The following ANKRD36C variants were observed in gnomAD, a reference collection of about 807,000 sequenced individuals.
ANKRD36C encodes ankyrin repeat domain 36C, also known as ankyrin repeat domain-containing protein 36C.
ANKRD36C carries 61 observed loss-of-function variants against 276.4 expected under a neutral mutation model. The observed-to-expected ratio is 0.22, with a 90% CI of 0.18 to 0.27. The LOEUF (loss-of-function observed/expected upper bound fraction) is 0.27. ANKRD36C is among the 10% of genes least tolerant of loss of function. The probability of loss-of-function intolerance (pLI) is 1.00; values close to 1 mark genes in which losing one functional copy is unlikely to be tolerated. For missense variants in ANKRD36C, 1,447 were observed against 2,032.3 expected, an observed-to-expected ratio of 0.71 and a Z score of 5.54; for synonymous variants, 483 against 680.1, an observed-to-expected ratio of 0.71 and a Z score of 4.51.
At chr2:95,873,872 T>C (rs1331703645) in intron 59 of ANKRD36C, among the ~76,000 whole-genome samples, 2 of 152,348 alleles carry the variant, frequency 1.3e-5, no homozygotes, top group East Asian at 3.9e-4. Flanking sequence ...TAAGCATTCT[T>C]ATACACCAAT....
intron 48 of ANKRD36C, among the ~76,000 whole-genome samples, chr2:95,889,297 CATAA>C (rs1465313980): frequency 6.6e-6 from 1 of 151,532 alleles, no homozygotes; most frequent in Non-Finnish European, 1.5e-5. Context: ...TCCCAAATTA[CATAA>C]ATAACTTCTT....
chr2:95,974,706 G>T (rs1428191919), intron 6 of ANKRD36C, among the ~76,000 whole-genome samples: 1 of 151,770 alleles, frequency 6.6e-6, no homozygotes, highest in South Asian at 2.1e-4. Flanking sequence ...ACAACGTGAA[G>T]GTTTGTTACA....
At chr2:95,919,677 G>A in intron 34 of ANKRD36C, 56 bp downstream of exon 36, 1 of 595,300 alleles carries the variant, frequency 1.7e-6, no homozygotes, top group Non-Finnish European at 2.1e-6. Flanking sequence ...ATTCGGGATA[G>A]AGAAGTTCTT....
chr2:95,942,645 T>C (rs1430907132), intron 19 of ANKRD36C, among the ~76,000 whole-genome samples: 3 of 152,310 alleles, frequency 2.0e-5, no homozygotes, highest in South Asian at 2.1e-4. Flanking sequence ...ATAAAGATAA[T>C]AGTTAAAAAT....
intron 1 of ANKRD36C, 124 bp downstream of exon 1, chr2:95,991,388 C>T (rs1679135436): frequency 7.7e-6 from 8 of 1,038,106 alleles, no homozygotes; most frequent in Admixed American, 7.1e-5. Context: ...CAGCCAGGCA[C>T]CCCCTAGCCC....
intron 42 of ANKRD36C, among the ~76,000 whole-genome samples, chr2:95,903,360 G>C (rs573608158): frequency 6.6e-6 from 1 of 150,452 alleles, no homozygotes; most frequent in Non-Finnish European, 1.5e-5. Flanking sequence ...TGGATATGCC[G>C]AGTGATGAGG....
In ANKRD36C at chr2:95,927,424, G is replaced by A. The variant is rs567435758; in HGVS notation, c.1838-15C>T. The A allele has an allele frequency of 2.9e-5, 46 of 1,605,538 alleles. No individual in the cohort carries two copies. The highest frequency in any genetic ancestry group is 8.4e-5 in the Admixed American group (5 of 59,702). On this transcript the variant is annotated splice_polypyrimidine_tract_variant and intron_variant, in intron 26 of 66. Coordinates refer to ENST00000456556, the Ensembl canonical transcript of ANKRD36C. Reference sequence around the variant, plus strand: ...CTGAGAAGACACTGAAAAGCAAAAGGGATACATAATCACTCACATGTACAT... The same window carrying A: ...CTGAGAAGACACTGAAAAGCAAAAGAGATACATAATCACTCACATGTACAT...
chr2:95,975,439 A>C (rs1678789801), intron 6 of ANKRD36C, among the ~76,000 whole-genome samples: 2 of 152,234 alleles, frequency 1.3e-5, no homozygotes. Flanking sequence ...GATATAGACC[A>C]ATGGAACAGA....
chr2:95,977,799 T>C (rs1223557688), intron 6 of ANKRD36C, among the ~76,000 whole-genome samples: 9 of 152,152 alleles, frequency 5.9e-5, no homozygotes, highest in African/African-American at 2.2e-4. Flanking sequence ...TCTAATTATA[T>C]AAAAAGTCTA....
chr2:95,924,075 G>T (rs1216249898), intron 30 of ANKRD36C, among the ~76,000 whole-genome samples: 2 of 151,604 alleles, frequency 1.3e-5, no homozygotes, highest in Non-Finnish European at 3.0e-5. Context: ...CTATCAAAAG[G>T]ATTTACACTA....
At chr2:95,895,728 G>T in intron 44 of ANKRD36C, 138 bp from the exon 61 acceptor site, 3 of 1,430,668 alleles carry the variant, frequency 2.1e-6, no homozygotes, top group South Asian at 2.4e-5. Flanking sequence ...TTTGTCTCAG[G>T]GGACCAGAAG....
chr2:95,951,510 T>C, intron 14 of ANKRD36C, 102 bp from the exon 15 acceptor site: 1 of 877,984 alleles, frequency 1.1e-6, no homozygotes, highest in Admixed American at 2.5e-5. Context: ...GTATGGACAT[T>C]GAAATCACTC....
At chr2:95,983,495 T>A (rs1174527577) in intron 3 of ANKRD36C, among the ~76,000 whole-genome samples, 4 of 151,876 alleles carry the variant, frequency 2.6e-5, no homozygotes, top group Non-Finnish European at 5.9e-5. Flanking sequence ...CAATCAGAAA[T>A]AAAAACACAA....
At chr2:95,918,681 A>G (rs541441996) in intron 34 of ANKRD36C, among the ~76,000 whole-genome samples, 4 of 151,738 alleles carry the variant, frequency 2.6e-5, no homozygotes, top group Non-Finnish European at 4.4e-5. Flanking sequence ...TCCCTCCAAA[A>G]CTTTCTTCGT....
chr2:95,984,708 C>A (rs573675784), intron 3 of ANKRD36C, among the ~76,000 whole-genome samples: 1 of 151,824 alleles, frequency 6.6e-6, no homozygotes, highest in Non-Finnish European at 1.5e-5. Flanking sequence ...AGATTGTTCA[C>A]CAAATGGATA....
chr2:95,939,862 T>G (rs1277772024), intron 20 of ANKRD36C, among the ~76,000 whole-genome samples: 1 of 152,288 alleles, frequency 6.6e-6, no homozygotes, highest in African/African-American at 2.4e-5. Flanking sequence ...AGCTTCTGGA[T>G]TCTCAACTTT....
intron 58 of ANKRD36C, among the ~76,000 whole-genome samples, chr2:95,876,840 C>T (rs1169791165): frequency 8.9e-6 from 1 of 111,734 alleles, no homozygotes. Flanking sequence ...GGTGGCAGAG[C>T]GAGACTGTGT....
exon 63 of ANKRD36C, chr2:95,855,838 G>C (rs1675399486): frequency 6.2e-7 from 1 of 1,613,846 alleles, no homozygotes; most frequent in African/African-American, 1.3e-5. Context: ...TGATCACATA[G>C]AGCAGCATTC....
At chr2:95,938,460 G>T (rs1677778628) in intron 22 of ANKRD36C, among the ~76,000 whole-genome samples, 2 of 152,100 alleles carry the variant, frequency 1.3e-5, no homozygotes, top group African/African-American at 4.8e-5. Flanking sequence ...TAAAACAATT[G>T]TAATGTCAGC....
Sources: gnomAD v4.1 joint callset for allele counts (sites outside exome capture counted in the v4.1 genomes callset) on GRCh38, gnomAD v4.1.1 for gene constraint, MANE v1.5 for transcripts, NCBI Gene and HGNC (gene_info 2026-07-23, HGNC 2026-07-21) for gene names.